ABCA4: variants seen among roughly 807,000 people sequenced by gnomAD.
ABCA4 encodes the protein ATP binding cassette subfamily A member 4.
A neutral mutation model predicts 263.7 loss-of-function variants in ABCA4; 196 were observed. The observed-to-expected ratio is 0.74, with a 90% confidence interval of 0.66 to 0.84. The LOEUF is 0.84. Among genes scored for constraint, ABCA4 ranks in the 40% least tolerant of loss-of-function variants. The pLI, the probability that ABCA4 is intolerant of heterozygous loss-of-function variation, is 0.00. For synonymous variants in ABCA4, 1,133 were observed against 1,094.2 expected (o/e 1.04, Z -0.70); for missense variants, 2,792 against 2,855.1 (o/e 0.98, Z 0.50).
At chr1:94,004,830 T>C (rs867367017) in intron 44 of ABCA4, among the ~76,000 whole-genome samples, 3 of 152,262 alleles carry the variant, frequency 2.0e-5, no homozygotes, top group Non-Finnish European at 4.4e-5. Flanking sequence ...GTTTATCCTT[T>C]CTACGTTCTA....
At chr1:94,045,318 CT>C (rs10717749) in intron 19 of ABCA4, among the ~76,000 whole-genome samples, 36,444 of 132,614 alleles carry the variant, frequency 0.27, 4,939 homozygotes, top group Non-Finnish European at 0.34. Flanking sequence ...CAATGGTGGG[CT>C]TTTTTTTTTT....
chr1:94,032,178 T>A, intron 26 of ABCA4, 135 bp from the exon 27 acceptor site: 2 of 1,042,920 alleles, frequency 1.9e-6, no homozygotes, highest in Non-Finnish European at 2.8e-6. Flanking sequence ...GCTGGTAGCT[T>A]AATCATCTTT....
At chr1:94,076,058 AC>A (rs1262723134) in intron 11 of ABCA4, among the ~76,000 whole-genome samples, 2 of 152,184 alleles carry the variant, frequency 1.3e-5, no homozygotes, top group Non-Finnish European at 2.9e-5. Flanking sequence ...GAGGAAAGGG[AC>A]AGTCATTTCA....
intron 1 of ABCA4, among the ~76,000 whole-genome samples, chr1:94,117,325 T>C (rs931666553): frequency 1.3e-5 from 2 of 152,120 alleles, no homozygotes; most frequent in African/African-American, 4.8e-5. Flanking sequence ...ACCCGGAGCC[T>C]GGGTACACTG....
chr1:94,095,419 G>C lies in ABCA4; in HGVS notation c.768+3375C>G, dbSNP rs4147824. Among the ~76,000 whole-genome samples, 4 of 152,158 alleles carry C rather than the reference G, an allele frequency of 2.6e-5. No individual in the cohort carries two copies. In the East Asian group the frequency reaches 7.7e-4, roughly 29 times the overall value. On this transcript the variant is annotated intron_variant, in intron 6 of 49. Coordinates refer to ENST00000370225, the MANE Select transcript of ABCA4 (RefSeq NM_000350.3). Reference sequence around the variant, plus strand: ...AGATTTTCCCTCTTTCTTTGTTAATGAGAACTCATTTGGCATTTAATAAAA... The same window carrying C: ...AGATTTTCCCTCTTTCTTTGTTAATCAGAACTCATTTGGCATTTAATAAAA...
chr1:94,028,043 T>G (rs895562419), intron 30 of ABCA4, among the ~76,000 whole-genome samples: 1 of 152,196 alleles, frequency 6.6e-6, no homozygotes. Flanking sequence ...TTCTAAATAA[T>G]TCCTTGCCCA....
intron 30 of ABCA4, among the ~76,000 whole-genome samples, chr1:94,027,349 C>T (rs1660070660): frequency 6.6e-6 from 1 of 152,208 alleles, no homozygotes; most frequent in Admixed American, 6.5e-5. Flanking sequence ...TAGGCTTGGC[C>T]TCCCCTCCCT....
chr1:94,109,619 C>T (rs531229009), intron 3 of ABCA4, among the ~76,000 whole-genome samples: 1 of 152,252 alleles, frequency 6.6e-6, no homozygotes, highest in South Asian at 2.1e-4. Flanking sequence ...GGAGACTGGT[C>T]CATGGAGAGA....
chr1:94,021,623 A>T lies in ABCA4; in HGVS notation c.4848+17T>A. ...TAAATTTTTAGCTCCAGAGCAGATT[A>T]TACATAGGTCAAGTACCTTAATGTT... On this transcript the variant is annotated intron_variant, in intron 34 of 49. Coordinates refer to ENST00000370225, the MANE Select transcript of ABCA4 (RefSeq NM_000350.3). 1 of 1,604,090 alleles carries T rather than the reference A, an allele frequency of 6.2e-7. No homozygotes were observed. Among genetic ancestry groups the T allele is most frequent in the South Asian group, 1.1e-5 (1 of 90,500 alleles).
intron 6 of ABCA4, among the ~76,000 whole-genome samples, chr1:94,096,654 G>T (rs527987060): frequency 1.3e-5 from 2 of 152,338 alleles, no homozygotes; most frequent in East Asian, 3.9e-4. Context: ...GAAACATTTG[G>T]AAGCCAGTGT....
In ABCA4 at chr1:94,021,310, CG is replaced by C. The variant is rs61750159; in HGVS notation, c.4947del (p.Glu1650ArgfsTer12). 3.1e-6 allele frequency: 5 copies of C among 1,614,156 alleles called. No homozygotes were observed. Among genetic ancestry groups the C allele is most frequent in the Non-Finnish European group, 3.4e-6 (4 of 1,180,028 alleles). On this transcript the variant is annotated frameshift_variant, in exon 35 of 50. Coordinates refer to ENST00000370225, the MANE Select transcript of ABCA4 (RefSeq NM_000350.3). LOFTEE classifies it high-confidence loss of function. ...LRASLPKDRS[P>X]EEYGITVISQ... ...CTAATGACGGTGATTCCATACTCCT[CG>C]GGGCTCCTGTCCTTAGGCAGGCTGG...
intron 27 of ABCA4, 128 bp from the exon 28 acceptor site, chr1:94,031,248 G>T: frequency 1.5e-6 from 2 of 1,319,592 alleles, no homozygotes; most frequent in Non-Finnish European, 2.1e-6. Context: ...GGTGGAGAGG[G>T]TTGGGCTTCT....
At chr1:94,116,653 A>G (rs1037670479) in intron 1 of ABCA4, among the ~76,000 whole-genome samples, 1 of 152,114 alleles carries the variant, frequency 6.6e-6, no homozygotes, top group Non-Finnish European at 1.5e-5. Flanking sequence ...TCTGGTTTTC[A>G]CAATAGCCTC....
In ABCA4 at chr1:94,014,687, C is replaced by A; in HGVS notation, c.5316G>T (p.Trp1772Cys). 1 of 1,614,178 alleles carries A rather than the reference C, an allele frequency of 6.2e-7. No homozygotes were observed. The highest frequency in any genetic ancestry group is 8.5e-7 in the Non-Finnish European group (1 of 1,180,038). ...ALVALLLLYGWAVIPMMYPAS... is the reference protein window; with the variant it reads ...ALVALLLLYGCAVIPMMYPAS... ...CTGGGTACATCATGGGAATGACCGC[C>A]CATCTGTGTGAAATGAGACAACTCA... The change falls in exon 38 of 50, where the codon TGG becomes TGT. Residue 1772 changes from tryptophan to cysteine, a missense_variant. By Grantham distance (215) the Trp-to-Cys change is radical (BLOSUM62 -2). Transcript: ENST00000370225.
rs375839545 is a variant in ABCA4, at chr1:94,103,145, A to G, written c.443-3T>C. On this transcript the variant is annotated splice_region_variant and splice_polypyrimidine_tract_variant and intron_variant, in intron 4 of 49. Transcript: ENST00000370225. ...ATCCCTTATTCGTATTCCTCTTCCT[A>G]CATATGAATAAGAGAAAGAACAGGG... 6.2e-7 allele frequency: 1 copy of G among 1,613,744 alleles called. No individual in the cohort carries two copies. Among genetic ancestry groups the G allele is most frequent in the African/African-American group, 1.3e-5 (1 of 74,920 alleles).
rs1023123094 is a variant in ABCA4 at position 94,063,277 on chromosome 1, G to A, written c.1595C>T (p.Thr532Ile). 4.3e-6 allele frequency: 7 copies of A among 1,614,036 alleles called. No individual in the cohort carries two copies. The African/African-American group carries it at 9.3e-5, about 22-fold the overall frequency. Residue 532 changes from threonine (T) to isoleucine (I), a missense_variant, in exon 12 of 50, where the codon ACT becomes ATT. Thr to Ile is a moderately conservative substitution (Grantham distance 89). Coordinates refer to ENST00000370225, the MANE Select transcript of ABCA4 (RefSeq NM_000350.3). The stretch of plus-strand genomic sequence containing the variant: ...AGAGAGGGCACGTTGGGTGAGCTGA[G>A]TTTCATCATTGTAGCTTTCAAACTT... ...LDKFESYNDE[T>I]QLTQRALSLL...
At chr1:94,058,153 G>T (rs1661028514) in intron 14 of ABCA4, among the ~76,000 whole-genome samples, 4 of 152,172 alleles carry the variant, frequency 2.6e-5, no homozygotes, top group Admixed American at 2.6e-4. Flanking sequence ...GCAAAGGGGA[G>T]CGGGGCACAG....
Position 94,051,696 on chromosome 1 carries a change from C to T in ABCA4, c.2590G>A (p.Asp864Asn), listed in dbSNP as rs267598774. 6.2e-7 allele frequency: 1 copy of T among 1,613,040 alleles called. No homozygotes were observed. The highest frequency in any genetic ancestry group is 8.5e-7 in the Non-Finnish European group (1 of 1,178,968). The change falls in exon 17 of 50, where the codon GAC becomes AAC. Residue 864 changes from aspartate (D) to asparagine (N), a missense_variant and splice_region_variant. Asp to Asn is a conservative substitution (Grantham distance 23, BLOSUM62 1). Transcript: ENST00000370225. ...AWYLDQVFPG[D>N]YGTPLPWYFL... is the part of the protein sequence containing the mutation. The stretch of plus-strand genomic sequence containing the variant: ...TACCAAGGAAGTGGGGTTCCATAGT[C>T]TCCTAAAAATAGAGACAAATAAACA...
At chr1:94,033,360 G>C (rs867043390) in intron 26 of ABCA4, among the ~76,000 whole-genome samples, 1 of 150,744 alleles carries the variant, frequency 6.6e-6, no homozygotes, top group South Asian at 2.1e-4. Context: ...GGAGGTCAAG[G>C]CTGCAGTGAG....
Sources: gnomAD v4.1 joint callset for allele counts (sites outside exome capture counted in the v4.1 genomes callset) on GRCh38, gnomAD v4.1.1 for gene constraint, MANE v1.5 for transcripts, NCBI Gene and HGNC (gene_info 2026-07-23, HGNC 2026-07-21) for gene names.